Variants in LRRC4C observed in about 807,000 individuals in gnomAD.
LRRC4C encodes the protein leucine rich repeat containing 4C.
LRRC4C carries 5 observed loss-of-function variants against 33.6 expected under a neutral mutation model. The ratio of observed to expected loss-of-function variants is 0.15; its 90% CI spans 0.08 to 0.31. The LOEUF (loss-of-function observed/expected upper bound fraction) is 0.31. LRRC4C is among the 10% of genes least tolerant of loss of function. The pLI is 1.00. For synonymous variants in LRRC4C, 329 were observed against 302.0 expected (o/e 1.09, Z -0.93); for missense variants, 560 against 796.7 (o/e 0.70, Z 3.58).
In LRRC4C at chr11:40,816,729, T is replaced by A. The variant is rs149601280; in HGVS notation, c.-407+116906A>T. 4.9e-4 allele frequency among the ~76,000 whole-genome samples: 75 copies of A among 152,210 alleles called. No homozygotes were observed. The East Asian group carries it at 0.01, about 21-fold the overall frequency. Reference sequence around the variant, plus strand: ...TTTTAGAGGGCCATTTAAATGCAAATAACTGGGAGATTTCTAGGCTTAGAA... The same window carrying A: ...TTTTAGAGGGCCATTTAAATGCAAAAAACTGGGAGATTTCTAGGCTTAGAA... On this transcript the variant is annotated intron_variant, in intron 2 of 6. Transcript: ENST00000528697.
chr11:41,167,235 T>A (rs1341868039), intron 1 of LRRC4C, among the ~76,000 whole-genome samples: 3 of 152,186 alleles, frequency 2.0e-5, no homozygotes. Flanking sequence ...GTTGCTGGTA[T>A]GCTTGAGTTG....
intron 2 of LRRC4C, among the ~76,000 whole-genome samples, chr11:40,652,936 G>C (rs1436581125): frequency 1.3e-5 from 2 of 152,120 alleles, no homozygotes; most frequent in African/African-American, 4.8e-5. Context: ...TCCCCCTGCT[G>C]TTCTCATGCT....
chr11:40,184,334 A>C (rs1861241271), intron 5 of LRRC4C, among the ~76,000 whole-genome samples: 1 of 152,206 alleles, frequency 6.6e-6, no homozygotes, highest in Admixed American at 6.5e-5. Flanking sequence ...ATTTCAAATA[A>C]GTCTCCTTCT....
intron 1 of LRRC4C, among the ~76,000 whole-genome samples, chr11:41,443,820 A>AC (rs1955733929): frequency 7.4e-6 from 1 of 135,112 alleles, no homozygotes; most frequent in African/African-American, 2.8e-5. Flanking sequence ...ATGGGGTTTC[A>AC]CCATGTTGGC....
chr11:40,991,091 A>G (rs1356207437), intron 1 of LRRC4C, among the ~76,000 whole-genome samples: 3 of 151,714 alleles, frequency 2.0e-5, no homozygotes, highest in East Asian at 1.9e-4. Context: ...AAAAAAAAAA[A>G]AAGAAAATGG....
chr11:40,511,635 G>A (rs370148086), intron 3 of LRRC4C, among the ~76,000 whole-genome samples: 2 of 152,190 alleles, frequency 1.3e-5, no homozygotes, highest in Non-Finnish European at 2.9e-5. Context: ...AAGGAAACTT[G>A]AATAAGGCAG....
chr11:41,079,511 CTT>C (rs1309883733), intron 1 of LRRC4C, among the ~76,000 whole-genome samples: 1 of 152,060 alleles, frequency 6.6e-6, no homozygotes, highest in Non-Finnish European at 1.5e-5. Context: ...ATGTGGGTAA[CTT>C]ATGTGCCCCC....
chr11:40,437,695 T>C (rs1951203076), intron 3 of LRRC4C, among the ~76,000 whole-genome samples: 1 of 151,750 alleles, frequency 6.6e-6, no homozygotes, highest in Non-Finnish European at 1.5e-5. Context: ...TTCCCGGCTG[T>C]GACTTTCTTT....
At chr11:41,117,409 C>T (rs1027596221) in intron 1 of LRRC4C, among the ~76,000 whole-genome samples, 5 of 152,050 alleles carry the variant, frequency 3.3e-5, no homozygotes, top group African/African-American at 9.7e-5. Context: ...GTGATAATGG[C>T]TAACTAATTT....
intron 3 of LRRC4C, among the ~76,000 whole-genome samples, chr11:40,323,903 C>A (rs1945974285): frequency 6.6e-6 from 1 of 152,174 alleles, no homozygotes; most frequent in South Asian, 2.1e-4. Flanking sequence ...TCAAGGACAA[C>A]TATCTGAAGA....
rs1028735357 is a variant in LRRC4C, at chr11:40,709,728, T to C, written c.-406-61450A>G. 2.8e-4 allele frequency among the ~76,000 whole-genome samples: 43 copies of C among 152,194 alleles called. 1 individual carries two copies. The highest frequency in any genetic ancestry group is 1.0e-4 in the Non-Finnish European group (7 of 68,040). On this transcript the variant is annotated intron_variant, in intron 2 of 6. Coordinates refer to ENST00000528697, the MANE Select transcript of LRRC4C (RefSeq NM_001258419.2). The stretch of plus-strand genomic sequence containing the variant: ...TCTCTGTATTTCCTGAATTTGAATG[T>C]TGGCTTGCCTTGCTAGGTTGGGGAA...
At chr11:40,703,276 C>A (rs1214557102) in intron 2 of LRRC4C, among the ~76,000 whole-genome samples, 1 of 152,032 alleles carries the variant, frequency 6.6e-6, no homozygotes, top group Non-Finnish European at 1.5e-5. Flanking sequence ...AATTGTAAAA[C>A]CCTCATCTAA....
At chr11:41,287,616 T>C (rs1160687798) in intron 1 of LRRC4C, among the ~76,000 whole-genome samples, 1 of 152,206 alleles carries the variant, frequency 6.6e-6, no homozygotes, top group Non-Finnish European at 1.5e-5. Context: ...CTATTTTCAA[T>C]ATTAATTACT....
intron 3 of LRRC4C, among the ~76,000 whole-genome samples, chr11:40,545,486 G>A (rs1956877076): frequency 6.6e-6 from 1 of 151,910 alleles, no homozygotes; most frequent in Admixed American, 6.6e-5. Flanking sequence ...GATTAAAGAG[G>A]CAGGAAATTG....
chr11:40,862,663 C>A (rs555653654), intron 2 of LRRC4C, among the ~76,000 whole-genome samples: 1 of 152,254 alleles, frequency 6.6e-6, no homozygotes, highest in Admixed American at 6.5e-5. Context: ...CTCTATATTA[C>A]AAATTGGTTG....
intron 1 of LRRC4C, among the ~76,000 whole-genome samples, chr11:41,081,956 C>T (rs1202765759): frequency 1.3e-5 from 2 of 152,128 alleles, no homozygotes; most frequent in Non-Finnish European, 2.9e-5. Flanking sequence ...TCCCTATGGG[C>T]AGCTGCTTCA....
At chr11:40,564,914 C>T (rs1225606792) in intron 3 of LRRC4C, among the ~76,000 whole-genome samples, 1 of 152,138 alleles carries the variant, frequency 6.6e-6, no homozygotes, top group Non-Finnish European at 1.5e-5. Context: ...AAATGATCCA[C>T]TTGGTTATTT....
intron 3 of LRRC4C, among the ~76,000 whole-genome samples, chr11:40,467,770 C>T (rs755161818): frequency 6.6e-6 from 1 of 152,126 alleles, no homozygotes; most frequent in East Asian, 1.9e-4. Context: ...TCTCTTGGAG[C>T]AATATGCTCT....
intron 3 of LRRC4C, among the ~76,000 whole-genome samples, chr11:40,412,806 T>C (rs1950199189): frequency 6.6e-6 from 1 of 152,068 alleles, no homozygotes; most frequent in African/African-American, 2.4e-5. Flanking sequence ...GACTGTTTTC[T>C]TACTCTAACA....
Sources: allele counts gnomAD v4.1 joint callset (sites outside exome capture counted in the v4.1 genomes callset), GRCh38; gene constraint gnomAD v4.1.1; transcripts MANE v1.5; gene names NCBI Gene and HGNC (gene_info 2026-07-23, HGNC 2026-07-21).